MYCBP2: variants seen among roughly 807,000 people sequenced by gnomAD.
MYCBP2 encodes E3 ubiquitin-protein ligase MYCBP2.
In MYCBP2, 120 loss-of-function variants were observed where a neutral mutation model predicts 525.3. That is an observed-to-expected ratio of 0.23 (90% CI 0.20 to 0.27). MYCBP2 has a LOEUF of 0.27. MYCBP2 is among the 10% of genes least tolerant of loss of function. MYCBP2 has a pLI of 1.00. For missense variants in MYCBP2, 4,149 were observed against 5,657.1 expected (o/e 0.73, Z 8.55); for synonymous variants, 1,894 against 1,955.8 (o/e 0.97, Z 0.83).
Position 77,211,950 on chromosome 13 carries a change from T to C in MYCBP2, c.3262+6A>G, listed in dbSNP as rs1162224936. 2 of 1,605,020 alleles carry C rather than the reference T, an allele frequency of 1.2e-6. No homozygotes were observed. The highest frequency in any genetic ancestry group is 4.5e-5 in the East Asian group (2 of 44,788). ...GGAAGGGGCATTTGTTTATTTCTGG[T>C]ATTACCTATTATGTGTTTACTGGCA... On this transcript the variant is annotated splice_donor_region_variant and intron_variant, in intron 22 of 82. Coordinates refer to ENST00000544440, the MANE Select transcript of MYCBP2 (RefSeq NM_015057.5).
chr13:77,261,209 A>G lies in MYCBP2; in HGVS notation c.1814T>C (p.Phe605Ser). 6.2e-7 allele frequency: 1 copy of G among 1,613,342 alleles called. No homozygotes were observed. The highest frequency in any genetic ancestry group is 8.5e-7 in the Non-Finnish European group (1 of 1,179,502). ...LLVAEDGSIFFTGSASKGEDG... is the reference protein window; with the variant it reads ...LLVAEDGSIFSTGSASKGEDG... ...TTCTCCTTTACTAGCAGATCCTGTA[A>G]AGAATATGCTCCCATCTTCTGCAAC... The change falls in exon 12 of 83, where the codon TTT becomes TCT. Residue 605 changes from phenylalanine (F) to serine (S), a missense_variant. Around this residue, in one of 21 missense-constraint regions of MYCBP2, gnomAD observed 262 missense variants for 419.3 expected, o/e 0.62. Transcript: ENST00000544440.
intron 60 of MYCBP2, 135 bp from the exon 61 acceptor site, chr13:77,089,166 T>C (rs2044899738): frequency 1.6e-6 from 1 of 630,526 alleles, no homozygotes; most frequent in Non-Finnish European, 2.6e-6. Context: ...AATTTCAACT[T>C]TTACTGAGGA....
At chr13:77,228,291 AG>A (rs2066597629) in intron 18 of MYCBP2, among the ~76,000 whole-genome samples, 1 of 152,040 alleles carries the variant, frequency 6.6e-6, no homozygotes, top group Admixed American at 6.6e-5. Flanking sequence ...AGATTACTTG[AG>A]CCTAGGAGCT....
At chr13:77,059,206 T>G (rs1375806617) in intron 77 of MYCBP2, among the ~76,000 whole-genome samples, 1 of 152,140 alleles carries the variant, frequency 6.6e-6, no homozygotes, top group African/African-American at 2.4e-5. Context: ...AAATGTATTT[T>G]AAGGAAATAA....
chr13:77,274,009 G>C (rs1452260382), intron 4 of MYCBP2, among the ~76,000 whole-genome samples: 2 of 152,106 alleles, frequency 1.3e-5, no homozygotes, highest in African/African-American at 4.8e-5. Flanking sequence ...TTTTAGATTA[G>C]GAGGCTTCTT....
At chr13:77,104,181 G>C (rs1420779524) in intron 55 of MYCBP2, among the ~76,000 whole-genome samples, 2 of 152,104 alleles carry the variant, frequency 1.3e-5, no homozygotes, top group East Asian at 3.9e-4. Context: ...AGGTAGTAAG[G>C]AGATAGTTGT....
intron 18 of MYCBP2, 34 bp downstream of exon 18, chr13:77,233,122 G>A: frequency 3.9e-6 from 6 of 1,556,900 alleles, no homozygotes; most frequent in Non-Finnish European, 5.3e-6. Context: ...AATTGGGAAA[G>A]TATCCCACCT....
chr13:77,290,379 T>G (rs960376959), intron 2 of MYCBP2, among the ~76,000 whole-genome samples: 1 of 152,132 alleles, frequency 6.6e-6, no homozygotes, highest in African/African-American at 2.4e-5. Flanking sequence ...ACCAGAGAAA[T>G]AAAAACTTAT....
Position 77,273,546 on chromosome 13 carries a change from C to G in MYCBP2, c.871G>C (p.Glu291Gln). Residue 291 changes from glutamate to glutamine, a missense_variant, in exon 5 of 83, where the codon GAA becomes CAA. By Grantham distance (29) the Glu-to-Gln change is conservative. Transcript: ENST00000544440. Reference sequence around the variant, plus strand: ...ATGGCCTGAAGTGTCCTTCCTGTTTCTCCCCAAGAAGCCACCAGACTAAAG... The same window carrying G: ...ATGGCCTGAAGTGTCCTTCCTGTTTGTCCCCAAGAAGCCACCAGACTAAAG... ...CLFSLVASWG[E>Q]TGRTLQAISA... 3 of 1,613,638 alleles carry G rather than the reference C, an allele frequency of 1.9e-6. No homozygotes were observed. The highest frequency in any genetic ancestry group is 2.5e-6 in the Non-Finnish European group (3 of 1,179,812).
intron 53 of MYCBP2, 141 bp from the exon 54 acceptor site, chr13:77,125,609 G>A: frequency 1.1e-6 from 1 of 887,940 alleles, no homozygotes; most frequent in Non-Finnish European, 1.7e-6. Context: ...TGAAATTAAG[G>A]CCACAGCCTG....
At position 77,177,822 on chromosome 13, in the gene MYCBP2, T is replaced by C. The variant is rs144627155; in HGVS notation, c.5266A>G (p.Ile1756Val). The C allele has an allele frequency of 3.4e-4, 552 of 1,613,982 alleles. 4 individuals carry two copies. Among genetic ancestry groups the C allele is most frequent in the Admixed American group, 6.7e-5 (4 of 60,006 alleles). Residue 1756 changes from isoleucine (I) to valine (V), a missense_variant, in exon 35 of 83, where the codon ATA becomes GTA. By Grantham distance (29) the Ile-to-Val change is conservative. Around this residue, in one of 21 missense-constraint regions of MYCBP2, gnomAD observed 54 missense variants for 117.0 expected, o/e 0.46. Coordinates refer to ENST00000544440, the MANE Select transcript of MYCBP2 (RefSeq NM_015057.5). ...TAGACAGAGAAACCAACCACAACTA[T>C]TCCAGGTTTGTCTACTGAAAAACAG... ...AICFSVDKPG[I>V]VVVGFSVYGG...
At chr13:77,252,497 C>T (rs1421343325) in intron 14 of MYCBP2, among the ~76,000 whole-genome samples, 1 of 152,096 alleles carries the variant, frequency 6.6e-6, no homozygotes, top group Non-Finnish European at 1.5e-5. Flanking sequence ...TTATAAGACC[C>T]TATGACAGGA....
chr13:77,223,452 C>T (rs758183700), intron 20 of MYCBP2, among the ~76,000 whole-genome samples: 7 of 152,132 alleles, frequency 4.6e-5, no homozygotes, highest in Non-Finnish European at 1.0e-4. Flanking sequence ...TTCTGGAAGA[C>T]CTGAACTAAT....
rs2154338605 is a variant in MYCBP2 at position 77,262,083 on chromosome 13, C to G, written c.1617G>C (p.Glu539Asp). ...CATTTGCTGTTTTCATTAGCGCAAACTCTCGTCCTGCACCAAGAATTGCTG... is the reference window on the plus strand; with the variant it reads ...CATTTGCTGTTTTCATTAGCGCAAAGTCTCGTCCTGCACCAAGAATTGCTG... Reference protein sequence around the residue: ...EESAILGAGREFALMKTANGK... With the variant: ...EESAILGAGRDFALMKTANGK... The change falls in exon 11 of 83, where the codon GAG (glutamate) becomes GAC (aspartate). Residue 539 changes from glutamate (E) to aspartate (D), a missense_variant. Coordinates refer to ENST00000544440, the MANE Select transcript of MYCBP2 (RefSeq NM_015057.5). 6.2e-7 allele frequency: 1 copy of G among 1,611,780 alleles called. No individual in the cohort carries two copies. The highest frequency in any genetic ancestry group is 2.2e-5 in the East Asian group (1 of 44,746).
chr13:77,246,917 T>C (rs190278511), intron 15 of MYCBP2, among the ~76,000 whole-genome samples: 34 of 152,214 alleles, frequency 2.2e-4, no homozygotes, highest in Admixed American at 1.8e-3. Flanking sequence ...CAAAATTCAA[T>C]GCCCTTTCAT....
At chr13:77,286,594 A>G (rs1356382319) in intron 3 of MYCBP2, among the ~76,000 whole-genome samples, 1 of 148,804 alleles carries the variant, frequency 6.7e-6, no homozygotes, top group East Asian at 2.0e-4. Flanking sequence ...TCTACTAAAA[A>G]TACAAAAAAA....
chr13:77,140,809 T>C (rs746323854), intron 50 of MYCBP2, 37 bp downstream of exon 50: 26 of 1,479,790 alleles, frequency 1.8e-5, no homozygotes, highest in East Asian at 1.6e-4. Context: ...AACGTAAAAA[T>C]TGAATGATTC....
At chr13:77,097,115 C>A (rs184451934) in intron 56 of MYCBP2, among the ~76,000 whole-genome samples, 154 of 152,254 alleles carry the variant, frequency 1.0e-3, no homozygotes, top group South Asian at 1.7e-3. Flanking sequence ...TAATGGCACA[C>A]CCTTTGGGTA....
Position 77,095,546 on chromosome 13 carries a change from G to T in MYCBP2, c.10011C>A (p.Thr3337=). The stretch of plus-strand genomic sequence containing the variant: ...CTTTAATCACCTGGTGAGCTTCCAT[G>T]GTGGGCAAGGCACGAGGGGTCTTGA... The part of the protein sequence containing the change: ...MQVKTPRALP[T]MEAHQVIKAN... Residue 3337 remains threonine, a synonymous_variant, in exon 58 of 83, where the codon ACC becomes ACA. Coordinates refer to ENST00000544440, the MANE Select transcript of MYCBP2 (RefSeq NM_015057.5). The T allele has an allele frequency of 6.2e-7, 1 of 1,613,530 alleles. No homozygotes were observed. Among genetic ancestry groups the T allele is most frequent in the South Asian group, 1.1e-5 (1 of 91,062 alleles).
Sources: allele counts gnomAD v4.1 joint callset (sites outside exome capture counted in the v4.1 genomes callset), GRCh38; gene constraint gnomAD v4.1.1; regional missense constraint gnomAD v4.1.1; transcripts MANE v1.5; gene names NCBI Gene and HGNC (gene_info 2026-07-23, HGNC 2026-07-21).